Variants in NKAIN3 observed in about 807,000 individuals in gnomAD.
NKAIN3 encodes sodium/potassium transporting ATPase interacting 3.
In NKAIN3, 25 loss-of-function variants were observed where a neutral mutation model predicts 30.2. That is an observed-to-expected ratio of 0.83 (90% CI 0.60 to 1.16). The LOEUF is 1.16. Among genes scored for constraint, NKAIN3 ranks in the 50% most tolerant of loss-of-function variants. NKAIN3 has a pLI of 0.00. For synonymous variants in NKAIN3, 91 were observed against 89.6 expected (o/e 1.02, Z -0.09); for missense variants, 225 against 254.1 (o/e 0.89, Z 0.78).
At chr8:62,805,185 A>T in intron 4 of NKAIN3, among the ~76,000 whole-genome samples, 1 of 151,966 alleles carries the variant, frequency 6.6e-6, no homozygotes, top group Non-Finnish European at 1.5e-5. Flanking sequence ...TTCCATGCTC[A>T]TGGGTAGGAA....
chr8:62,843,699 A>T (rs906373669), intron 4 of NKAIN3, among the ~76,000 whole-genome samples: 7 of 152,084 alleles, frequency 4.6e-5, no homozygotes, highest in Admixed American at 4.6e-4. Flanking sequence ...TAGAAATGTA[A>T]GGTAATAAAT....
chr8:62,930,368 C>T (rs1438046961), intron 5 of NKAIN3, among the ~76,000 whole-genome samples: 1 of 152,126 alleles, frequency 6.6e-6, no homozygotes, highest in Non-Finnish European at 1.5e-5. Flanking sequence ...ATTCTCCTGC[C>T]TCAGCCTCCT....
At chr8:62,389,181 A>G (rs1365872688) in intron 1 of NKAIN3, among the ~76,000 whole-genome samples, 1 of 152,194 alleles carries the variant, frequency 6.6e-6, no homozygotes, top group East Asian at 1.9e-4. Flanking sequence ...CATAACATGT[A>G]CTTTATCTAA....
chr8:62,328,975 T>C (rs778152518), intron 1 of NKAIN3, among the ~76,000 whole-genome samples: 31 of 152,104 alleles, frequency 2.0e-4, no homozygotes, highest in Non-Finnish European at 3.4e-4. Context: ...AAGATCGACT[T>C]CCATCTTTTG....
At chr8:62,414,076 A>G (rs1406333197) in intron 1 of NKAIN3, among the ~76,000 whole-genome samples, 1 of 152,168 alleles carries the variant, frequency 6.6e-6, no homozygotes, top group Non-Finnish European at 1.5e-5. Flanking sequence ...TTCTGTGTGC[A>G]TACGTATGTC....
intron 4 of NKAIN3, among the ~76,000 whole-genome samples, chr8:62,765,262 AAAAAGAAAAG>A (rs1405920094): frequency 7.3e-5 from 10 of 137,590 alleles, no homozygotes; most frequent in Admixed American, 4.7e-4. Context: ...AAAAAAAAAA[AAAAAGAAAAG>A]AAAAGAAAAG....
At chr8:62,295,430 T>C (rs1175577122) in intron 1 of NKAIN3, among the ~76,000 whole-genome samples, 1 of 152,154 alleles carries the variant, frequency 6.6e-6, no homozygotes, top group African/African-American at 2.4e-5. Flanking sequence ...AACTTGGAGT[T>C]TGGGTTACTC....
intron 3 of NKAIN3, among the ~76,000 whole-genome samples, chr8:62,732,995 T>C (rs71525499): frequency 6.6e-6 from 1 of 152,098 alleles, no homozygotes; most frequent in Non-Finnish European, 1.5e-5. Flanking sequence ...CTATTCATTG[T>C]GATTTTTAAT....
At chr8:62,514,890 A>G (rs959444537) in intron 1 of NKAIN3, among the ~76,000 whole-genome samples, 2 of 152,104 alleles carry the variant, frequency 1.3e-5, no homozygotes, top group African/African-American at 4.8e-5. Context: ...CCTTGATCTC[A>G]CTTTCCCTTC....
chr8:62,859,646 T>C (rs188641549), intron 4 of NKAIN3, among the ~76,000 whole-genome samples: 3 of 152,048 alleles, frequency 2.0e-5, no homozygotes, highest in African/African-American at 7.2e-5. Flanking sequence ...TTACATTGCT[T>C]CAAAGATAAT....
At chr8:62,297,155 T>C (rs1189494439) in intron 1 of NKAIN3, among the ~76,000 whole-genome samples, 1 of 152,160 alleles carries the variant, frequency 6.6e-6, no homozygotes, top group East Asian at 1.9e-4. Flanking sequence ...TCCTTACACC[T>C]TATACAAAAA....
chr8:62,398,006 A>G (rs1817819450), intron 1 of NKAIN3, among the ~76,000 whole-genome samples: 1 of 152,160 alleles, frequency 6.6e-6, no homozygotes, highest in African/African-American at 2.4e-5. Flanking sequence ...AAACATGGAC[A>G]CTAACTTAAG....
intron 4 of NKAIN3, among the ~76,000 whole-genome samples, chr8:62,822,453 G>T (rs530772377): frequency 6.6e-6 from 1 of 152,148 alleles, no homozygotes; most frequent in South Asian, 2.1e-4. Context: ...TGCTGATTTT[G>T]CATGGCTTCT....
intron 1 of NKAIN3, among the ~76,000 whole-genome samples, chr8:62,345,137 G>C (rs1360240981): frequency 6.6e-6 from 1 of 151,350 alleles, no homozygotes; most frequent in Non-Finnish European, 1.5e-5. Context: ...AAACTCTACT[G>C]GTTATTGTTT....
intron 1 of NKAIN3, among the ~76,000 whole-genome samples, chr8:62,494,999 C>T (rs77196491): frequency 6.6e-6 from 1 of 151,880 alleles, no homozygotes; most frequent in East Asian, 1.9e-4. Flanking sequence ...TTTATGGTAG[C>T]AATTTGGGAG....
chr8:62,546,760 A>C (rs1431067858), intron 1 of NKAIN3, among the ~76,000 whole-genome samples: 1 of 152,212 alleles, frequency 6.6e-6, no homozygotes, highest in Non-Finnish European at 1.5e-5. Context: ...ACCTTTAAAA[A>C]TATTGGAAAG....
At chr8:62,868,909 C>G (rs1820504802) in intron 4 of NKAIN3, among the ~76,000 whole-genome samples, 1 of 152,054 alleles carries the variant, frequency 6.6e-6, no homozygotes, top group Non-Finnish European at 1.5e-5. Context: ...GCCTTTCTCA[C>G]TGTTGCTCAC....
In NKAIN3 at chr8:62,950,200, T is replaced by C. The variant is rs141544881; in HGVS notation, c.533-3702T>C. 7.1e-3 allele frequency among the ~76,000 whole-genome samples: 1,085 copies of C among 152,340 alleles called. 25 individuals are homozygous for C. Among genetic ancestry groups the C allele is most frequent in the Admixed American group, 0.039 (598 of 15,302 alleles). On this transcript the variant is annotated intron_variant, in intron 5 of 6. Transcript: ENST00000623646. ...CTATTTCTTAATTTTCTTCATTTTT[T>C]AAAGCACTTGATGTCATTTTAAAAA...
chr8:62,781,308 A>T (rs1164330061), intron 4 of NKAIN3, among the ~76,000 whole-genome samples: 1 of 151,998 alleles, frequency 6.6e-6, no homozygotes, highest in Non-Finnish European at 1.5e-5. Context: ...AGGACATTTT[A>T]TGCTTGTGGG....
Sources: gnomAD v4.1 joint callset for allele counts (sites outside exome capture counted in the v4.1 genomes callset) on GRCh38, gnomAD v4.1.1 for gene constraint, MANE v1.5 for transcripts, NCBI Gene and HGNC (gene_info 2026-07-23, HGNC 2026-07-21) for gene names.